ARPC2: variants seen among roughly 807,000 people sequenced by gnomAD.
ARPC2 encodes the protein actin-related protein 2/3 complex subunit 2.
ARPC2 carries 4 observed loss-of-function variants against 38.6 expected under a neutral mutation model. The ratio of observed to expected loss-of-function variants is 0.10; its 90% CI spans 0.05 to 0.24. The LOEUF (loss-of-function observed/expected upper bound fraction) is 0.24, where lower values mean the gene tolerates loss of function less well. Among genes scored for constraint, ARPC2 ranks in the 10% least tolerant of loss-of-function variants. The pLI, the probability that ARPC2 is intolerant of heterozygous loss-of-function variation, is 1.00. For synonymous variants in ARPC2, 125 were observed against 140.8 expected (o/e 0.89, Z 0.79); for missense variants, 229 against 387.3 (o/e 0.59, Z 3.43).
At chr2:218,246,797 C>T (rs981843887) in intron 8 of ARPC2, among the ~76,000 whole-genome samples, 4 of 152,148 alleles carry the variant, frequency 2.6e-5, no homozygotes, top group Non-Finnish European at 4.4e-5. Context: ...ATGGTGAAAC[C>T]ACACCTCTAC....
chr2:218,247,899 C>T (rs1212498134), intron 8 of ARPC2, among the ~76,000 whole-genome samples: 2 of 151,116 alleles, frequency 1.3e-5, no homozygotes, highest in South Asian at 2.1e-4. Flanking sequence ...GCCAAGATCA[C>T]GCGACTGCAC....
At chr2:218,241,721 C>A (rs539743900) in intron 7 of ARPC2, among the ~76,000 whole-genome samples, 2 of 152,224 alleles carry the variant, frequency 1.3e-5, no homozygotes, top group African/African-American at 4.8e-5. Context: ...ATGCCTCCTT[C>A]AGGGTACCTG....
At chr2:218,236,248 CTT>C (rs1480346477) in intron 5 of ARPC2, 1 of 152,154 alleles carries the variant, frequency 6.6e-6, no homozygotes, top group Non-Finnish European at 1.5e-5. Context: ...TAAAGACAGA[CTT>C]TACCTTAGCT....
intron 4 of ARPC2, among the ~76,000 whole-genome samples, chr2:218,232,365 T>C (rs986689691): frequency 6.6e-6 from 1 of 152,156 alleles, no homozygotes; most frequent in Non-Finnish European, 1.5e-5. Context: ...TCTCAGTCTG[T>C]TTTTTGTTGC....
chr2:218,243,003 T>C (rs1689950263), intron 7 of ARPC2, among the ~76,000 whole-genome samples: 1 of 152,206 alleles, frequency 6.6e-6, no homozygotes, highest in African/African-American at 2.4e-5. Context: ...CTTCTAGATT[T>C]TGAGTTATAG....
Position 218,234,369 on chromosome 2 carries a change from C to T in ARPC2, c.240C>T (p.Tyr80=), listed in dbSNP as rs752365108. The T allele has an allele frequency of 1.2e-6, 2 of 1,605,746 alleles. No homozygotes were observed. The part of the protein sequence containing the change: ...HGADELLKRV[Y]GSFLVNPESG... ...TTTTCTAGTTATTAAAGAGGGTGTA[C>T]GGGAGTTTCTTGGTAAATCCAGAAT... is the stretch of plus-strand genomic sequence containing the variant. Residue 80 remains tyrosine (Y), a synonymous_variant, in exon 5 of 11, where the codon TAC becomes TAT. Transcript: ENST00000315717.
intron 8 of ARPC2, among the ~76,000 whole-genome samples, chr2:218,249,159 C>T (rs1334356247): frequency 6.6e-6 from 1 of 152,150 alleles, no homozygotes; most frequent in Non-Finnish European, 1.5e-5. Context: ...ATCGTGGGCT[C>T]CTCCATTCAC....
chr2:218,240,273 G>T (rs1574588613), intron 7 of ARPC2, among the ~76,000 whole-genome samples: 1 of 152,128 alleles, frequency 6.6e-6, no homozygotes, highest in African/African-American at 2.4e-5. Context: ...TTTCTCAGTG[G>T]TTTAGTTTTG....
chr2:218,254,226 A>C lies in ARPC2; in HGVS notation c.*311A>C, dbSNP rs1690263251. 3 of 336,754 alleles carry C rather than the reference A, an allele frequency of 8.9e-6. No homozygotes were observed. Among genetic ancestry groups the C allele is most frequent in the Non-Finnish European group, 1.6e-5 (3 of 182,858 alleles). The allele number at this position is 336,754 out of a possible 1,614,324, so 20.9% of individuals were successfully genotyped here. On this transcript the variant is annotated 3_prime_UTR_variant, in exon 11 of 11. Coordinates refer to ENST00000315717, the MANE Select transcript of ARPC2 (RefSeq NM_152862.3). Reference sequence around the variant, plus strand: ...AAGCTGTTTCGCTTTGCAATATATTACTGGTAATGAGTTGCAGGATAATGC... The same window carrying C: ...AAGCTGTTTCGCTTTGCAATATATTCCTGGTAATGAGTTGCAGGATAATGC...
At chr2:218,217,394 C>A in intron 1 of ARPC2, 69 bp from the exon 2 acceptor site, 1 of 1,469,196 alleles carries the variant, frequency 6.8e-7, no homozygotes, top group Non-Finnish European at 9.5e-7. Context: ...GGCAGCAGGG[C>A]CGCTCCCTCC....
At chr2:218,252,289 C>G (rs1327285433) in intron 10 of ARPC2, among the ~76,000 whole-genome samples, 1 of 152,160 alleles carries the variant, frequency 6.6e-6, no homozygotes, top group African/African-American at 2.4e-5. Context: ...TGTAGCAGCT[C>G]AGAGAGGAGT....
At chr2:218,243,066 C>A (rs1274192546) in intron 7 of ARPC2, among the ~76,000 whole-genome samples, 1 of 152,134 alleles carries the variant, frequency 6.6e-6, no homozygotes, top group African/African-American at 2.4e-5. Flanking sequence ...CTGTTATTTT[C>A]TGAGTATTTT....
chr2:218,225,544 G>A (rs925991492), intron 2 of ARPC2, among the ~76,000 whole-genome samples: 2 of 152,156 alleles, frequency 1.3e-5, no homozygotes, highest in African/African-American at 4.8e-5. Flanking sequence ...CCTGCTGAAC[G>A]TTTTACTCCT....
chr2:218,237,458 C>T (rs1481185407), intron 5 of ARPC2, among the ~76,000 whole-genome samples: 1 of 152,002 alleles, frequency 6.6e-6, no homozygotes, highest in Non-Finnish European at 1.5e-5. Flanking sequence ...CTTGGCCTCC[C>T]AAAGTGCTGG....
At chr2:218,248,710 C>T (rs956914074) in intron 8 of ARPC2, among the ~76,000 whole-genome samples, 1 of 152,220 alleles carries the variant, frequency 6.6e-6, no homozygotes, top group African/African-American at 2.4e-5. Flanking sequence ...GATCAGCCTG[C>T]GTCAGCCTCC....
chr2:218,229,126 T>C (rs894273105), intron 4 of ARPC2: 6 of 223,182 alleles, frequency 2.7e-5, no homozygotes, highest in Non-Finnish European at 4.5e-5. Context: ...AAATAGCTGT[T>C]GCAAGAATTA....
intron 4 of ARPC2, among the ~76,000 whole-genome samples, chr2:218,232,314 C>T (rs189184501): frequency 2.4e-4 from 37 of 152,214 alleles, no homozygotes; most frequent in Non-Finnish European, 1.5e-4. Flanking sequence ...GCAGTTTCCA[C>T]CAGGTGAAGC....
At chr2:218,252,773 C>A (rs1327620957) in intron 10 of ARPC2, among the ~76,000 whole-genome samples, 1 of 152,186 alleles carries the variant, frequency 6.6e-6, no homozygotes, top group African/African-American at 2.4e-5. Context: ...CCACAGCCAG[C>A]AGGCAGTCGT....
chr2:218,237,640 C>T (rs973124596), intron 5 of ARPC2, among the ~76,000 whole-genome samples: 1 of 150,510 alleles, frequency 6.6e-6, no homozygotes, highest in Non-Finnish European at 1.5e-5. Context: ...AATATCAGCT[C>T]GCTGTAACCT....
Sources: allele counts gnomAD v4.1 joint callset (sites outside exome capture counted in the v4.1 genomes callset), GRCh38; gene constraint gnomAD v4.1.1; transcripts MANE v1.5; gene names NCBI Gene and HGNC (gene_info 2026-07-23, HGNC 2026-07-21).